SLC15A3: variants seen among roughly 807,000 people sequenced by gnomAD.
The protein encoded by SLC15A3 is solute carrier family 15 member 3.
Under a neutral mutation model 49.2 loss-of-function variants are expected in SLC15A3, and 39 were observed. That is an observed-to-expected ratio of 0.79 (90% confidence interval 0.61 to 1.04). SLC15A3 has a LOEUF of 1.04. Among genes scored for constraint, SLC15A3 ranks in the 50% least tolerant of loss-of-function variants. The probability of loss-of-function intolerance (pLI) is 0.00; values close to 1 mark genes in which losing one functional copy is unlikely to be tolerated. For synonymous variants in SLC15A3, 339 were observed against 367.0 expected, an observed-to-expected ratio of 0.92 and a Z score of 0.87; for missense variants, 758 against 794.8, an observed-to-expected ratio of 0.95 and a Z score of 0.56.
At chr11:60,937,415 C>T (rs373052619) in intron 7 of SLC15A3, 42 bp from the exon 8 acceptor site, 182 of 1,611,808 alleles carry the variant, frequency 1.1e-4, no homozygotes, top group Non-Finnish European at 1.5e-4. Flanking sequence ...GACAGGGATC[C>T]TCTGTCTTGC....
chr11:60,941,075 T>TC (rs1856700710), intron 5 of SLC15A3, 47 bp downstream of exon 5: 1 of 1,563,358 alleles, frequency 6.4e-7, no homozygotes, highest in Admixed American at 1.8e-5. Context: ...GAAGCAGACT[T>TC]CCCCAAGCCC....
At chr11:60,941,590 C>T in intron 4 of SLC15A3, 1 of 376,550 alleles carries the variant, frequency 2.7e-6, no homozygotes, top group South Asian at 5.2e-5. Flanking sequence ...AGGAAATGGA[C>T]TACAATGGCA....
At chr11:60,947,511 A>G (rs114102466) in intron 1 of SLC15A3, among the ~76,000 whole-genome samples, 1,947 of 152,282 alleles carry the variant, frequency 0.013, 48 homozygotes, top group African/African-American at 0.045. Context: ...AAAAAAGCCA[A>G]TAAGATCTCA....
At chr11:60,938,136 T>C in intron 6 of SLC15A3, 111 bp from the exon 7 acceptor site, 1 of 1,294,010 alleles carries the variant, frequency 7.7e-7, no homozygotes, top group Non-Finnish European at 1.0e-6. Flanking sequence ...CCCTCCAGGC[T>C]TCCCCTGGAT....
rs751236393 is a variant in SLC15A3 at position 60,937,868 on chromosome 11, ACCAAAGT to A, written c.1586_1591+1del. ...CCACTCCTGGGGAGGCCCCATACTCACCAAAGTCCTTGGGGCAGTGCAGCCAGCCCCC... is the reference window on the plus strand; with the variant it reads ...CCACTCCTGGGGAGGCCCCATACTCACCTTGGGGCAGTGCAGCCAGCCCCC... On this transcript the variant is annotated splice_donor_variant and coding_sequence_variant, in exon 7 of 8. Transcript: ENST00000227880. LOFTEE classifies it high-confidence loss of function. 1.9e-6 allele frequency: 3 copies of A among 1,613,736 alleles called. No homozygotes were observed. In the East Asian group the frequency reaches 6.7e-5, roughly 36 times the overall value.
At chr11:60,944,312 A>G (rs915116062) in intron 2 of SLC15A3, among the ~76,000 whole-genome samples, 6 of 152,074 alleles carry the variant, frequency 3.9e-5, no homozygotes, top group Admixed American at 2.0e-4. Flanking sequence ...CCCCGCTGTT[A>G]GCACCACCTT....
At chr11:60,945,300 C>T (rs529672141) in intron 2 of SLC15A3, among the ~76,000 whole-genome samples, 70 of 152,302 alleles carry the variant, frequency 4.6e-4, no homozygotes, top group African/African-American at 1.6e-3. Context: ...AGCCAACAGC[C>T]CACATTGACT....
At chr11:60,940,845 A>G (rs370408185) in intron 5 of SLC15A3, 23 of 303,650 alleles carry the variant, frequency 7.6e-5, no homozygotes, top group East Asian at 3.6e-4. Context: ...GCAGTGAATA[A>G]AAAAAGAAAA....
rs71043733 is a variant in SLC15A3 at position 60,949,425 on chromosome 11, G to GGAAA, written c.558+1565_558+1568dup. On this transcript the variant is annotated intron_variant, in intron 1 of 7. Transcript: ENST00000227880. The stretch of plus-strand genomic sequence containing the variant: ...AAGAAAGGAAGAAAGAAAGAAAGAA[G>GGAAA]GAAAGAAAGAAAGAAAGAAAGAAAG... 5.5e-3 allele frequency among the ~76,000 whole-genome samples: 655 copies of GGAAA among 119,934 alleles called. 30 individuals are homozygous for GGAAA. The highest frequency in any genetic ancestry group is 0.02 in the African/African-American group (597 of 29,478). The allele number at this position is 119,934 out of a possible 152,430, so 78.7% of individuals were successfully genotyped here.
rs1856679556 is a variant in SLC15A3 at position 60,939,509 on chromosome 11, C to T, written c.1406G>A (p.Gly469Glu). Reference sequence around the variant, plus strand: ...GATGCTGGCAAAGATCTCACTGATCCCAATGAGCAGGTACTGAGGGATCTG... The same window carrying T: ...GATGCTGGCAAAGATCTCACTGATCTCAATGAGCAGGTACTGAGGGATCTG... ...WWQIPQYLLIGISEIFASIPG... is the reference protein window; with the variant it reads ...WWQIPQYLLIEISEIFASIPG... Residue 469 changes from glycine (G) to glutamate (E), a missense_variant, in exon 6 of 8, where the codon GGG (glycine) becomes GAG (glutamate). Transcript: ENST00000227880. 6.2e-7 allele frequency: 1 copy of T among 1,614,146 alleles called. No individual in the cohort carries two copies.
At chr11:60,941,453 A>G (rs1208201575) in intron 4 of SLC15A3, 163 bp from the exon 5 acceptor site, 3 of 629,474 alleles carry the variant, frequency 4.8e-6, no homozygotes, top group Non-Finnish European at 7.9e-6. Context: ...GAGTGGGATT[A>G]TGTAGAGATG....
rs929027009 is a variant in SLC15A3 at position 60,950,896 on chromosome 11, A to T, written c.558+98T>A. On this transcript the variant is annotated intron_variant, in intron 1 of 7. Coordinates refer to ENST00000227880, the MANE Select transcript of SLC15A3 (RefSeq NM_016582.3). The stretch of plus-strand genomic sequence containing the variant: ...TTCTTTCAAATCAGGAAACTAGTGC[A>T]GGCAGGGGACCTGGTTTGTCCCAGG... 17 of 1,241,348 alleles carry T rather than the reference A, an allele frequency of 1.4e-5. No individual in the cohort carries two copies. The East Asian group carries it at 5.0e-4, about 37-fold the overall frequency. The allele number at this position is 1,241,348 out of a possible 1,614,324, so 76.9% of individuals were successfully genotyped here. A position where few individuals can be genotyped will look rare whatever the true frequency, so the allele number is the denominator to read the frequency against.
At chr11:60,947,045 C>T (rs987669817) in intron 1 of SLC15A3, among the ~76,000 whole-genome samples, 3 of 152,232 alleles carry the variant, frequency 2.0e-5, no homozygotes, top group Admixed American at 6.5e-5. Flanking sequence ...ACATTTGGCC[C>T]AGCTGCTTTT....
intron 1 of SLC15A3, among the ~76,000 whole-genome samples, chr11:60,947,376 T>G (rs558296512): frequency 1.3e-5 from 2 of 152,330 alleles, no homozygotes; most frequent in African/African-American, 4.8e-5. Flanking sequence ...AGACGGGGTT[T>G]CACCTTGTTA....
At chr11:60,950,326 G>T (rs1856891310) in intron 1 of SLC15A3, among the ~76,000 whole-genome samples, 1 of 152,158 alleles carries the variant, frequency 6.6e-6, no homozygotes, top group South Asian at 2.1e-4. Flanking sequence ...GCCTTTACTC[G>T]GCTCCTCGAC....
chr11:60,950,358 G>C (rs1856891998), intron 1 of SLC15A3, among the ~76,000 whole-genome samples: 1 of 152,238 alleles, frequency 6.6e-6, no homozygotes, highest in Non-Finnish European at 1.5e-5. Flanking sequence ...CCTTGGGCAA[G>C]TTGATTAATG....
chr11:60,943,921 G>T (rs1856763109), intron 2 of SLC15A3, 85 bp from the exon 3 acceptor site: 1 of 1,297,228 alleles, frequency 7.7e-7, no homozygotes, highest in Admixed American at 3.4e-5. Flanking sequence ...ACTTTGGGAG[G>T]CTGAGGCGGG....
chr11:60,951,638 C>T lies in SLC15A3; in HGVS notation c.-87G>A. ...CTGCACTCCTGCCCCCGGGCCTCGG[C>T]CCTCTCCCCCACCCAACTGGCTGGC... On this transcript the variant is annotated 5_prime_UTR_variant, in exon 1 of 8. Transcript: ENST00000227880. 1 of 972,034 alleles carries T rather than the reference C, an allele frequency of 1.0e-6. No individual in the cohort carries two copies. The highest frequency in any genetic ancestry group is 9.2e-5 in the East Asian group (1 of 10,826). 60.2% of individuals were successfully genotyped at this position (972,034 alleles called of 1,614,324 possible).
At position 60,951,586 on chromosome 11, in the gene SLC15A3, C is replaced by T. The variant is rs1856924602; in HGVS notation, c.-35G>A. 2 of 1,089,092 alleles carry T rather than the reference C, an allele frequency of 1.8e-6. No individual in the cohort carries two copies. The highest frequency in any genetic ancestry group is 2.2e-6 in the Non-Finnish European group (2 of 898,390). 67.5% of individuals were successfully genotyped at this position (1,089,092 alleles called of 1,614,324 possible). On this transcript the variant is annotated 5_prime_UTR_variant, in exon 1 of 8. Coordinates refer to ENST00000227880, the MANE Select transcript of SLC15A3 (RefSeq NM_016582.3). ...GGGCTGGGCCCCCCGCGGCTCTTCT[C>T]TCCTCTCCTCTCCCCGCCTCAGAGC...
Sources: gnomAD v4.1 joint callset for allele counts (sites outside exome capture counted in the v4.1 genomes callset) on GRCh38, gnomAD v4.1.1 for gene constraint, MANE v1.5 for transcripts, NCBI Gene and HGNC (gene_info 2026-07-23, HGNC 2026-07-21) for gene names.